The following MAGI2 variants were observed in gnomAD, a reference collection of about 807,000 sequenced individuals.
The protein encoded by MAGI2 is membrane-associated guanylate kinase, WW and PDZ domain-containing protein 2.
Under a neutral mutation model 133.3 loss-of-function variants are expected in MAGI2, and 35 were observed. The observed-to-expected ratio is 0.26, with a 90% CI of 0.20 to 0.35. The LOEUF (loss-of-function observed/expected upper bound fraction) is 0.35. Among genes scored for constraint, MAGI2 ranks in the 10% least tolerant of loss-of-function variants. The pLI, the probability that MAGI2 is intolerant of heterozygous loss-of-function variation, is 1.00. For missense variants in MAGI2, 1,636 were observed against 1,863.4 expected (o/e 0.88, Z 2.25); for synonymous variants, 729 against 710.6 (o/e 1.03, Z -0.41).
chr7:78,865,192 T>C (rs989402651), intron 2 of MAGI2, among the ~76,000 whole-genome samples: 2 of 152,180 alleles, frequency 1.3e-5, no homozygotes, highest in African/African-American at 4.8e-5. Flanking sequence ...AGTTAAAGTA[T>C]ATAATTTTGA....
chr7:78,224,961 G>T (rs1301104474), intron 10 of MAGI2, among the ~76,000 whole-genome samples: 1 of 152,084 alleles, frequency 6.6e-6, no homozygotes, highest in Non-Finnish European at 1.5e-5. Context: ...AGGTCTGGCT[G>T]CTACCCCCGC....
chr7:78,351,809 A>G (rs975298081), intron 7 of MAGI2: 2 of 152,148 alleles, frequency 1.3e-5, no homozygotes, highest in Non-Finnish European at 2.9e-5. Context: ...AAATGGAATA[A>G]AAACAACTTC....
chr7:78,707,050 A>G (rs1226107719), intron 2 of MAGI2, among the ~76,000 whole-genome samples: 1 of 152,062 alleles, frequency 6.6e-6, no homozygotes, highest in African/African-American at 2.4e-5. Context: ...ACTATCAAAG[A>G]AACTAACAAC....
chr7:79,338,754 G>C (rs1342025140), intron 1 of MAGI2, among the ~76,000 whole-genome samples: 1 of 152,124 alleles, frequency 6.6e-6, no homozygotes, highest in Non-Finnish European at 1.5e-5. Context: ...CCCTTGAGAT[G>C]AAAGAGCCAG....
At chr7:79,446,774 C>T (rs908567587) in intron 1 of MAGI2, among the ~76,000 whole-genome samples, 1 of 152,022 alleles carries the variant, frequency 6.6e-6, no homozygotes, top group Non-Finnish European at 1.5e-5. Flanking sequence ...CACGGTGAAA[C>T]CCCATATCTA....
chr7:78,415,918 G>T (rs888777946), intron 6 of MAGI2, among the ~76,000 whole-genome samples: 1 of 152,090 alleles, frequency 6.6e-6, no homozygotes, highest in Non-Finnish European at 1.5e-5. Flanking sequence ...TTTGTATGAT[G>T]ATGAGGCATT....
At chr7:79,152,963 C>A (rs932069831) in intron 1 of MAGI2, among the ~76,000 whole-genome samples, 1 of 152,158 alleles carries the variant, frequency 6.6e-6, no homozygotes, top group South Asian at 2.1e-4. Context: ...TTATGAACTT[C>A]TTTATATAAC....
At chr7:79,198,644 C>A (rs886979832) in intron 1 of MAGI2, among the ~76,000 whole-genome samples, 1 of 151,992 alleles carries the variant, frequency 6.6e-6, no homozygotes, top group Non-Finnish European at 1.5e-5. Context: ...AATCCCAGCA[C>A]TTTGGGAGGC....
chr7:78,261,738 A>T (rs1319877756), intron 9 of MAGI2, among the ~76,000 whole-genome samples: 1 of 152,188 alleles, frequency 6.6e-6, no homozygotes, highest in African/African-American at 2.4e-5. Context: ...TACATTAAAA[A>T]GGATTATTTT....
intron 3 of MAGI2, among the ~76,000 whole-genome samples, chr7:78,538,145 G>A (rs1163039686): frequency 1.3e-5 from 2 of 152,118 alleles, no homozygotes; most frequent in African/African-American, 4.8e-5. Flanking sequence ...ATAAGTACAT[G>A]GCTTTGTTTC....
chr7:79,435,143 C>T (rs1848051094), intron 1 of MAGI2, among the ~76,000 whole-genome samples: 1 of 152,134 alleles, frequency 6.6e-6, no homozygotes, highest in South Asian at 2.1e-4. Context: ...TGAGCAAATT[C>T]CTTGTAACTA....
At chr7:78,386,244 C>CAT (rs1399584883) in intron 6 of MAGI2, among the ~76,000 whole-genome samples, 1 of 151,996 alleles carries the variant, frequency 6.6e-6, no homozygotes, top group Non-Finnish European at 1.5e-5. Context: ...CTCCATACAG[C>CAT]ATATATATAT....
Position 78,501,874 on chromosome 7 carries a change from C to A in MAGI2, c.755-87G>T, listed in dbSNP as rs564762055. On this transcript the variant is annotated intron_variant, in intron 4 of 21. Coordinates refer to ENST00000354212, the MANE Select transcript of MAGI2 (RefSeq NM_012301.4). ...GGAGAATGCTGTACCAGGGAATAAACGTCATGAATAACTTCTATGAAGGCT... is the reference window on the plus strand; with the variant it reads ...GGAGAATGCTGTACCAGGGAATAAAAGTCATGAATAACTTCTATGAAGGCT... 1.5e-3 allele frequency: 1,376 copies of A among 930,782 alleles called. 3 individuals carry two copies. The highest frequency in any genetic ancestry group is 2.1e-3 in the Non-Finnish European group (1,243 of 594,108). The allele number at this position is 930,782 out of a possible 1,614,324, so 57.7% of individuals were successfully genotyped here.
At chr7:79,227,584 C>A (rs1390972959) in intron 1 of MAGI2, among the ~76,000 whole-genome samples, 1 of 152,046 alleles carries the variant, frequency 6.6e-6, no homozygotes, top group Non-Finnish European at 1.5e-5. Flanking sequence ...ACTTTTGTTC[C>A]ACTGATGAAG....
At chr7:78,414,416 AAATAT>A (rs1798117353) in intron 6 of MAGI2, among the ~76,000 whole-genome samples, 1 of 152,092 alleles carries the variant, frequency 6.6e-6, no homozygotes, top group African/African-American at 2.4e-5. Context: ...GAAATGCACT[AAATAT>A]AAGGGTAGTT....
chr7:79,141,088 C>T (rs1276319825), intron 1 of MAGI2, among the ~76,000 whole-genome samples: 2 of 152,164 alleles, frequency 1.3e-5, no homozygotes, highest in African/African-American at 4.8e-5. Context: ...CACCACAAAT[C>T]CTACATTTAT....
At chr7:78,731,703 T>A (rs1357660166) in intron 2 of MAGI2, among the ~76,000 whole-genome samples, 1 of 152,138 alleles carries the variant, frequency 6.6e-6, no homozygotes, top group Non-Finnish European at 1.5e-5. Context: ...CTCTTCAGTA[T>A]CCAATTTTTG....
intron 9 of MAGI2, among the ~76,000 whole-genome samples, chr7:78,322,468 G>A (rs370171357): frequency 6.6e-6 from 1 of 152,136 alleles, no homozygotes; most frequent in African/African-American, 2.4e-5. Flanking sequence ...CAGAGACTTC[G>A]ACGAAGCTGA....
intron 1 of MAGI2, chr7:79,411,390 G>C (rs1409734352): frequency 2.0e-5 from 3 of 152,290 alleles, no homozygotes; most frequent in East Asian, 3.9e-4. Flanking sequence ...AGACTGAAGA[G>C]AGAGTCTGAA....
Sources: allele counts gnomAD v4.1 joint callset (sites outside exome capture counted in the v4.1 genomes callset), GRCh38; gene constraint gnomAD v4.1.1; transcripts MANE v1.5; gene names NCBI Gene and HGNC (gene_info 2026-07-23, HGNC 2026-07-21).